Variants in PIK3C2A observed in about 807,000 individuals in gnomAD.
PIK3C2A encodes the protein phosphatidylinositol 4-phosphate 3-kinase C2 domain-containing subunit alpha.
Under a neutral mutation model 204.5 loss-of-function variants are expected in PIK3C2A, and 97 were observed. That is an observed-to-expected ratio of 0.47 (90% CI 0.40 to 0.56). The LOEUF (loss-of-function observed/expected upper bound fraction) is 0.56. PIK3C2A is among the 20% of genes least tolerant of loss of function. The probability of loss-of-function intolerance (pLI) is 0.00; values close to 1 mark genes in which losing one functional copy is unlikely to be tolerated. For missense variants in PIK3C2A, 1,735 were observed against 1,969.2 expected, an observed-to-expected ratio of 0.88 and a Z score of 2.25; for synonymous variants, 653 against 664.4, an observed-to-expected ratio of 0.98 and a Z score of 0.26.
intron 23 of PIK3C2A, among the ~76,000 whole-genome samples, chr11:17,104,721 T>C (rs967265896): frequency 4.5e-5 from 4 of 88,674 alleles, no homozygotes; most frequent in Admixed American, 1.3e-4. Context: ...TGAGACTCCA[T>C]CTCAAAAAAA....
intron 6 of PIK3C2A, 43 bp from the exon 7 acceptor site, chr11:17,145,985 G>T: frequency 1.4e-6 from 2 of 1,415,902 alleles, no homozygotes; most frequent in Non-Finnish European, 9.9e-7. Flanking sequence ...TCCACTCTTT[G>T]GTCTTTCTAT....
At chr11:17,095,252 C>A (rs534122778) in intron 27 of PIK3C2A, among the ~76,000 whole-genome samples, 2 of 151,620 alleles carry the variant, frequency 1.3e-5, no homozygotes, top group African/African-American at 2.4e-5. Context: ...GGTAATAGAG[C>A]GAGACCGTTT....
At chr11:17,148,913 T>A in intron 4 of PIK3C2A, 126 bp from the exon 5 acceptor site, 1 of 629,190 alleles carries the variant, frequency 1.6e-6, no homozygotes, top group Non-Finnish European at 2.4e-6. Context: ...AGGCCACATA[T>A]ATAATTTTAA....
At chr11:17,105,363 C>G (rs1002643809) in intron 22 of PIK3C2A, 58 bp from the exon 23 acceptor site, 2 of 1,398,274 alleles carry the variant, frequency 1.4e-6, no homozygotes, top group African/African-American at 2.9e-5. Context: ...AGCCTTTAAA[C>G]ATTTTTAAAA....
At chr11:17,199,126 A>G (rs909820681) in intron 1 of PIK3C2A, among the ~76,000 whole-genome samples, 3 of 152,066 alleles carry the variant, frequency 2.0e-5, no homozygotes, top group Admixed American at 6.6e-5. Flanking sequence ...CTCAAGAAAA[A>G]AAAAAAAAAG....
At chr11:17,119,128 T>C (rs1454804467) in intron 17 of PIK3C2A, 92 bp downstream of exon 17, 4 of 770,276 alleles carry the variant, frequency 5.2e-6, no homozygotes, top group Non-Finnish European at 8.8e-6. Context: ...AAAAAACGAC[T>C]TTTAATCTAA....
chr11:17,194,959 T>C (rs971390757), intron 1 of PIK3C2A, among the ~76,000 whole-genome samples: 3 of 152,078 alleles, frequency 2.0e-5, no homozygotes, highest in African/African-American at 7.2e-5. Context: ...TCTATAATAT[T>C]AAATTTAACT....
At chr11:17,108,248 G>A (rs539345990) in intron 22 of PIK3C2A, among the ~76,000 whole-genome samples, 21 of 152,304 alleles carry the variant, frequency 1.4e-4, no homozygotes, top group African/African-American at 4.8e-4. Context: ...TTGAAAAGTA[G>A]TGTATCAAAT....
intron 8 of PIK3C2A, among the ~76,000 whole-genome samples, chr11:17,140,426 T>C (rs368152471): frequency 2.0e-5 from 3 of 152,162 alleles, no homozygotes; most frequent in Non-Finnish European, 4.4e-5. Context: ...TGCTAATCAT[T>C]TGGCAAATAA....
chr11:17,143,339 C>T (rs1243922333), intron 8 of PIK3C2A, among the ~76,000 whole-genome samples: 1 of 152,014 alleles, frequency 6.6e-6, no homozygotes, highest in Admixed American at 6.6e-5. Flanking sequence ...TATCTTTCAC[C>T]TGGACTGCTA....
Position 17,169,626 on chromosome 11 carries a change from A to G in PIK3C2A, c.116T>C (p.Leu39Ser), listed in dbSNP as rs557481790. ...EEALQMEAEALAKLQKDRQVT... is the reference protein window; with the variant it reads ...EEALQMEAEASAKLQKDRQVT... The stretch of plus-strand genomic sequence containing the variant: ...TTGTCTATCCTTTTGCAGTTTTGCT[A>G]AAGCCTCTGCTTCCATCTGTAATGC... The change falls in exon 2 of 33, where the codon TTA becomes TCA. Residue 39 changes from leucine to serine, a missense_variant. Physicochemically the swap from Leu to Ser is moderately radical, Grantham distance 145. Transcript: ENST00000691414. 1 of 1,613,976 alleles carries G rather than the reference A, an allele frequency of 6.2e-7. No individual in the cohort carries two copies. The highest frequency in any genetic ancestry group is 1.1e-5 in the South Asian group (1 of 91,076).
chr11:17,147,004 T>G (rs1351842485), intron 6 of PIK3C2A, among the ~76,000 whole-genome samples: 1 of 152,184 alleles, frequency 6.6e-6, no homozygotes, highest in African/African-American at 2.4e-5. Context: ...ATGGCTAAAT[T>G]TGCTGCATTC....
intron 1 of PIK3C2A, among the ~76,000 whole-genome samples, chr11:17,172,296 AG>A (rs2137498069): frequency 6.6e-6 from 1 of 152,316 alleles, no homozygotes; most frequent in Admixed American, 6.5e-5. Flanking sequence ...AGGTCCTAAG[AG>A]GCTTTACTAC....
chr11:17,176,183 T>C (rs555767616), intron 1 of PIK3C2A, among the ~76,000 whole-genome samples: 301 of 152,042 alleles, frequency 2.0e-3, no homozygotes, highest in Middle Eastern at 6.8e-3. Context: ...TTTGTTTTTT[T>C]TTTAGTAGAG....
intron 22 of PIK3C2A, among the ~76,000 whole-genome samples, chr11:17,108,795 A>T (rs975697169): frequency 3.9e-5 from 6 of 152,192 alleles, no homozygotes; most frequent in African/African-American, 1.2e-4. Flanking sequence ...TCTTAGAGAC[A>T]ACAGATTACC....
chr11:17,147,509 A>G lies in PIK3C2A; in HGVS notation c.1560+8T>C. The G allele has an allele frequency of 7.0e-7, 1 of 1,430,718 alleles. No homozygotes were observed. Among genetic ancestry groups the G allele is most frequent in the Non-Finnish European group, 9.9e-7 (1 of 1,013,402 alleles). 88.6% of individuals were successfully genotyped at this position (1,430,718 alleles called of 1,614,324 possible). On this transcript the variant is annotated splice_region_variant and intron_variant, in intron 6 of 32. Transcript: ENST00000691414. The stretch of plus-strand genomic sequence containing the variant: ...CAAATGGAATTCAGTTATGAGGTAC[A>G]CACTTACTGTTCGGGCCAGATTTTG...
chr11:17,096,531 C>T (rs899954145), intron 27 of PIK3C2A, among the ~76,000 whole-genome samples: 3 of 152,032 alleles, frequency 2.0e-5, no homozygotes, highest in East Asian at 1.9e-4. Context: ...CAAAAAGATA[C>T]TAAAATTTAT....
At chr11:17,165,472 G>A (rs980879615) in intron 2 of PIK3C2A, among the ~76,000 whole-genome samples, 10 of 152,062 alleles carry the variant, frequency 6.6e-5, no homozygotes, top group Admixed American at 6.5e-5. Flanking sequence ...TTGTATCACT[G>A]GAGTTTGAAA....
chr11:17,158,177 C>T (rs1850658798), intron 2 of PIK3C2A, among the ~76,000 whole-genome samples: 1 of 151,846 alleles, frequency 6.6e-6, no homozygotes, highest in Non-Finnish European at 1.5e-5. Flanking sequence ...GGAGAAACCC[C>T]ATCTCTACTA....
Sources: allele counts gnomAD v4.1 joint callset (sites outside exome capture counted in the v4.1 genomes callset), GRCh38; gene constraint gnomAD v4.1.1; transcripts MANE v1.5; gene names NCBI Gene and HGNC (gene_info 2026-07-23, HGNC 2026-07-21).